Variants in TRPM3 observed in about 807,000 individuals in gnomAD.
TRPM3 encodes long transient receptor potential channel 3.
A neutral mutation model predicts 181.2 loss-of-function variants in TRPM3; 77 were observed. That is an observed-to-expected ratio of 0.42 (90% confidence interval 0.35 to 0.51). The LOEUF (loss-of-function observed/expected upper bound fraction) is 0.51. Ranked by LOEUF, TRPM3 falls within the 20% of genes least tolerant of loss-of-function variation. TRPM3 has a pLI of 0.01. For missense variants in TRPM3, 1,759 were observed against 2,196.7 expected, an observed-to-expected ratio of 0.80 and a Z score of 3.98; for synonymous variants, 745 against 796.4, an observed-to-expected ratio of 0.94 and a Z score of 1.09.
At chr9:71,201,593 A>G (rs937131484) in intron 1 of TRPM3, among the ~76,000 whole-genome samples, 3 of 151,962 alleles carry the variant, frequency 2.0e-5, no homozygotes, top group Non-Finnish European at 2.9e-5. Flanking sequence ...TTTTTTCTCT[A>G]AACTTCCCTT....
intron 6 of TRPM3, among the ~76,000 whole-genome samples, chr9:70,806,190 T>C (rs2131324344): frequency 6.6e-6 from 1 of 152,214 alleles, no homozygotes; most frequent in South Asian, 2.1e-4. Flanking sequence ...CACGTGAAAC[T>C]CATTACGCAG....
chr9:71,025,426 A>G (rs1716063199), intron 1 of TRPM3, among the ~76,000 whole-genome samples: 2 of 152,224 alleles, frequency 1.3e-5, no homozygotes, highest in African/African-American at 4.8e-5. Flanking sequence ...CAAGGAACAC[A>G]TGATTCATCG....
At chr9:71,102,440 G>A (rs991594223) in intron 1 of TRPM3, among the ~76,000 whole-genome samples, 2 of 152,158 alleles carry the variant, frequency 1.3e-5, no homozygotes, top group Non-Finnish European at 2.9e-5. Context: ...TGCACATGAA[G>A]TCCTTCCTGT....
chr9:70,960,620 G>A (rs1442173480), intron 1 of TRPM3, among the ~76,000 whole-genome samples: 1 of 152,182 alleles, frequency 6.6e-6, no homozygotes, highest in Non-Finnish European at 1.5e-5. Flanking sequence ...CTCCTCAGGT[G>A]GTTGCTTTCC....
chr9:70,671,806 C>T (rs934431178), intron 9 of TRPM3, among the ~76,000 whole-genome samples: 14 of 152,108 alleles, frequency 9.2e-5, no homozygotes, highest in Non-Finnish European at 1.2e-4. Flanking sequence ...ACTCTGTTGC[C>T]CAGGCTGGAG....
chr9:71,324,145 C>CAACT (rs1401397289), intron 1 of TRPM3, among the ~76,000 whole-genome samples: 1 of 151,940 alleles, frequency 6.6e-6, no homozygotes. Flanking sequence ...AGTTTCTAAT[C>CAACT]AATCTATAGA....
intron 1 of TRPM3, among the ~76,000 whole-genome samples, chr9:71,168,015 A>G (rs2134763630): frequency 6.6e-6 from 1 of 152,330 alleles, no homozygotes; most frequent in African/African-American, 2.4e-5. Context: ...CATTTAGAGG[A>G]AGAACTGTTA....
intron 1 of TRPM3, among the ~76,000 whole-genome samples, chr9:70,973,042 C>T (rs940148841): frequency 6.6e-6 from 1 of 151,974 alleles, no homozygotes; most frequent in Non-Finnish European, 1.5e-5. Flanking sequence ...TTAATATTTC[C>T]AATATAAAGA....
At chr9:71,101,756 A>G (rs2068429893) in intron 1 of TRPM3, among the ~76,000 whole-genome samples, 1 of 152,170 alleles carries the variant, frequency 6.6e-6, no homozygotes, top group African/African-American at 2.4e-5. Flanking sequence ...ATATTCAAAG[A>G]GTAGATATGT....
intron 1 of TRPM3, among the ~76,000 whole-genome samples, chr9:71,348,568 T>G (rs2091426523): frequency 6.6e-6 from 1 of 150,662 alleles, no homozygotes; most frequent in South Asian, 2.1e-4. Flanking sequence ...ATTTATTTAT[T>G]TATTTATTTT....
chr9:71,121,497 A>G lies in TRPM3; in HGVS notation c.-143T>C, dbSNP rs2134392282. The G allele has an allele frequency of 4.2e-6, 6 of 1,422,874 alleles. No individual in the cohort carries two copies. Among genetic ancestry groups the G allele is most frequent in the Non-Finnish European group, 4.6e-6 (5 of 1,092,708 alleles). 88.1% of individuals were successfully genotyped at this position (1,422,874 alleles called of 1,614,324 possible). A position where few individuals can be genotyped will look rare whatever the true frequency, so the allele number is the denominator to read the frequency against. On this transcript the variant is annotated 5_prime_UTR_variant, in exon 1 of 26. Coordinates refer to ENST00000677713, the MANE Select transcript of TRPM3 (RefSeq NM_001366145.2). ...TCTCTCTGCAGCCGTGCTCATGCAT[A>G]CCAAATGTGGCTGAATGGAGGCACA...
chr9:70,888,793 G>T (rs1172875921), intron 1 of TRPM3, among the ~76,000 whole-genome samples: 1 of 152,116 alleles, frequency 6.6e-6, no homozygotes, highest in Non-Finnish European at 1.5e-5. Flanking sequence ...AAGTTAAGGG[G>T]TGGTCATGTT....
At chr9:71,233,604 G>A (rs564061309) in intron 1 of TRPM3, among the ~76,000 whole-genome samples, 215 of 152,208 alleles carry the variant, frequency 1.4e-3, no homozygotes, top group African/African-American at 4.8e-3. Context: ...ATAACCACAC[G>A]AATCCTAGGA....
rs1443617837 is a variant in TRPM3 at position 70,548,823 on chromosome 9, A to C, written c.3707+719T>G. Reference sequence around the variant, plus strand: ...AAGCTAGACTTACTAGGTTTAAATAATTCTCTTTATTTGAAGATCTTGTGC... The same window carrying C: ...AAGCTAGACTTACTAGGTTTAAATACTTCTCTTTATTTGAAGATCTTGTGC... On this transcript the variant is annotated intron_variant, in intron 25 of 25. Transcript: ENST00000677713. Among the ~76,000 whole-genome samples, 3 of 141,396 alleles carry C rather than the reference A, an allele frequency of 2.1e-5. No individual in the cohort carries two copies. In the Admixed American group the frequency reaches 2.2e-4, roughly 11 times the overall value. The allele number at this position is 141,396 out of a possible 152,430, so 92.8% of individuals were successfully genotyped here.
rs566210915 is a variant in TRPM3, at chr9:71,406,071, C to T, written c.183+40582G>A. ...CAGGCAGATCACGAGGTCAAGAGAT[C>T]GAGACCATCCTGGCTAACATGGTGA... is the stretch of plus-strand genomic sequence containing the variant. On this transcript the variant is annotated intron_variant, in intron 1 of 24. Coordinates refer to the TRPM3 transcript ENST00000357533. Among the ~76,000 whole-genome samples the T allele has an allele frequency of 1.5e-4, 23 of 152,200 alleles. 1 individual carries two copies. The South Asian group carries it at 4.8e-3, about 32-fold the overall frequency.
chr9:70,880,979 A>G, intron 1 of TRPM3, among the ~76,000 whole-genome samples: 1 of 152,138 alleles, frequency 6.6e-6, no homozygotes, highest in East Asian at 1.9e-4. Flanking sequence ...AAACATAAAG[A>G]ATACTCCTAT....
chr9:71,188,001 T>C (rs547443271), intron 1 of TRPM3, among the ~76,000 whole-genome samples: 1 of 152,008 alleles, frequency 6.6e-6, no homozygotes, highest in East Asian at 1.9e-4. Flanking sequence ...TATAACTATA[T>C]CATAATTTAT....
chr9:70,880,801 T>C (rs574584178), intron 1 of TRPM3, among the ~76,000 whole-genome samples: 1 of 152,122 alleles, frequency 6.6e-6, no homozygotes. Context: ...TACAAGTAAC[T>C]TAGAGGCTAC....
At chr9:71,367,483 G>GT (rs951549989) in intron 1 of TRPM3, among the ~76,000 whole-genome samples, 3 of 152,062 alleles carry the variant, frequency 2.0e-5, no homozygotes, top group African/African-American at 7.2e-5. Flanking sequence ...AGTTTGTGCA[G>GT]TTTTTTTCTT....
Sources: gnomAD v4.1 joint callset for allele counts (sites outside exome capture counted in the v4.1 genomes callset) on GRCh38, gnomAD v4.1.1 for gene constraint, MANE v1.5 for transcripts, NCBI Gene and HGNC (gene_info 2026-07-23, HGNC 2026-07-21) for gene names.